Variants in SEPTIN4 observed in about 807,000 individuals in gnomAD.
SEPTIN4 encodes the protein septin 4.
Under a neutral mutation model 107.1 loss-of-function variants are expected in SEPTIN4, and 52 were observed. The ratio of observed to expected loss-of-function variants is 0.49; its 90% CI spans 0.39 to 0.61. SEPTIN4 has a LOEUF of 0.61. SEPTIN4 is among the 20% of genes least tolerant of loss of function. SEPTIN4 has a pLI of 0.00. For missense variants in SEPTIN4, 1,048 were observed against 1,243.5 expected, an observed-to-expected ratio of 0.84 and a Z score of 2.36; for synonymous variants, 417 against 467.0, an observed-to-expected ratio of 0.89 and a Z score of 1.38.
rs1288663797 is a variant in SEPTIN4, at chr17:58,521,654, A to C, written c.2470-8T>G. The C allele has an allele frequency of 6.2e-7, 1 of 1,613,956 alleles. No individual in the cohort carries two copies. Among genetic ancestry groups the C allele is most frequent in the Non-Finnish European group, 8.5e-7 (1 of 1,179,938 alleles). ...CTCAATCTCCTCCCGGATCTGACAA[A>C]CAGATGAGGGGCCCACAGTTCTGGG... On this transcript the variant is annotated splice_polypyrimidine_tract_variant and splice_region_variant and intron_variant, in intron 9 of 13. Transcript: ENST00000672673. This position sits in a 1 kb window ranked among gnomAD's most constrained non-coding sequence, Gnocchi z 6.4.
At chr17:58,524,055 A>C (rs1185092930) in intron 7 of SEPTIN4, among the ~76,000 whole-genome samples, 1 of 152,206 alleles carries the variant, frequency 6.6e-6, no homozygotes, top group Non-Finnish European at 1.5e-5. Flanking sequence ...CAAGATCATG[A>C]AGTTACTAAA....
chr17:58,538,402 C>T lies in SEPTIN4; in HGVS notation c.1614+2264G>A, dbSNP rs2043787520. On this transcript the variant is annotated intron_variant, in intron 3 of 13. Coordinates refer to ENST00000672673, the MANE Select transcript of SEPTIN4 (RefSeq NM_001368771.2). The surrounding 1 kb of genome is among the most constrained non-coding windows in gnomAD (Gnocchi z 4.7). ...ATAATTGATAGAGCAGAGAGTAAACCACCTTGCCCTATGACAGCCTGAGAA... is the reference window on the plus strand; with the variant it reads ...ATAATTGATAGAGCAGAGAGTAAACTACCTTGCCCTATGACAGCCTGAGAA... Among the ~76,000 whole-genome samples, 1 of 152,172 alleles carries T rather than the reference C, an allele frequency of 6.6e-6. No homozygotes were observed. The highest frequency in any genetic ancestry group is 1.5e-5 in the Non-Finnish European group (1 of 68,040).
In SEPTIN4 at chr17:58,522,030, C is replaced by T. The variant is rs764756465; in HGVS notation, c.2288G>A (p.Arg763Gln). The change falls in exon 8 of 14, where the codon CGA (arginine) becomes CAA (glutamine). Residue 763 changes from arginine to glutamine, a missense_variant. This residue lies in a region of SEPTIN4 where 261 missense variants were observed against 371.7 expected (regional missense o/e 0.70). Coordinates refer to ENST00000672673, the MANE Select transcript of SEPTIN4 (RefSeq NM_001368771.2). Reference protein sequence around the residue: ...QYFRDESGLNRKNIQDNRVHC... With the variant: ...QYFRDESGLNQKNIQDNRVHC... ...CACCCTGTTGTCTTGGATGTTCTTT[C>T]GGTTCAGGCCACTCTCGTCTCGGAA... The T allele has an allele frequency of 6.2e-7, 1 of 1,614,174 alleles. No homozygotes were observed.
At chr17:58,537,828 T>TAAA (rs2043766842) in intron 3 of SEPTIN4, among the ~76,000 whole-genome samples, 1 of 70,742 alleles carries the variant, frequency 1.4e-5, no homozygotes. Context: ...AGACTCTGTC[T>TAAA]CAAAAAAAAA....
chr17:58,532,074 C>A, intron 3 of SEPTIN4: 2 of 1,097,318 alleles, frequency 1.8e-6, no homozygotes, highest in Non-Finnish European at 2.2e-6. Flanking sequence ...TCCCCGAGTG[C>A]GGACCGCTGC....
intron 4 of SEPTIN4, 107 bp from the exon 5 acceptor site, chr17:58,526,420 G>T (rs1310390755): frequency 6.5e-6 from 9 of 1,376,312 alleles, no homozygotes; most frequent in Non-Finnish European, 8.5e-6. Flanking sequence ...CCTTAAAAAA[G>T]CAGTGCCAGA....
intron 4 of SEPTIN4, 152 bp downstream of exon 4, chr17:58,526,530 G>A: frequency 7.1e-7 from 1 of 1,404,230 alleles, no homozygotes; most frequent in Non-Finnish European, 9.2e-7. Context: ...TGGAGCTAGG[G>A]CTGACACAGG....
chr17:58,528,938 G>C (rs984997281), intron 3 of SEPTIN4, among the ~76,000 whole-genome samples: 2 of 152,166 alleles, frequency 1.3e-5, no homozygotes, highest in Non-Finnish European at 2.9e-5. Flanking sequence ...CCGCATGGAG[G>C]GGGCCACAGG....
At chr17:58,532,012 C>CCCGCGGCGGAGCT in intron 3 of SEPTIN4, 3 of 1,136,534 alleles carry the variant, frequency 2.6e-6, no homozygotes, top group African/African-American at 3.3e-5. Context: ...GCCCGAGCGA[C>CCCGCGGCGGAGCT]CCGCGGCGGA....
intron 3 of SEPTIN4, chr17:58,531,862 G>C: frequency 9.4e-7 from 1 of 1,063,990 alleles, no homozygotes; most frequent in African/African-American, 1.7e-5. Context: ...GCACAGCCGC[G>C]GCTGCGGTGC....
chr17:58,533,713 C>A (rs540425217), intron 3 of SEPTIN4, among the ~76,000 whole-genome samples: 1 of 152,260 alleles, frequency 6.6e-6, no homozygotes, highest in East Asian at 1.9e-4. Flanking sequence ...AAGAGAGAAA[C>A]CAATGGCAGT....
intron 3 of SEPTIN4, among the ~76,000 whole-genome samples, chr17:58,536,049 T>C (rs766660676): frequency 2.0e-5 from 3 of 152,204 alleles, no homozygotes; most frequent in Non-Finnish European, 2.9e-5. Context: ...TCACAATTCT[T>C]GATATCTAAA....
chr17:58,527,205 C>T, intron 3 of SEPTIN4: 1 of 827,694 alleles, frequency 1.2e-6, no homozygotes, highest in Non-Finnish European at 2.1e-6. Context: ...TCCCAGGGTC[C>T]AGGAAGAGCC....
rs2042316239 is a variant in SEPTIN4 at position 58,521,900 on chromosome 17, C to G, written c.2352-47G>C. The G allele has an allele frequency of 6.2e-7, 1 of 1,614,244 alleles. No individual in the cohort carries two copies. Among genetic ancestry groups the G allele is most frequent in the Non-Finnish European group, 8.5e-7 (1 of 1,180,040 alleles). On this transcript the variant is annotated intron_variant, in intron 8 of 13. Coordinates refer to ENST00000672673, the MANE Select transcript of SEPTIN4 (RefSeq NM_001368771.2). This position sits in a 1 kb window ranked among gnomAD's most constrained non-coding sequence, Gnocchi z 6.4. ...CCACCTGCTAGTGGCAGCCCTGCCC[C>G]TGGTGCTCTTGGCCTGTTCCCTTGA...
chr17:58,526,725 G>A lies in SEPTIN4; in HGVS notation c.1868C>T (p.Pro623Leu), dbSNP rs1352437832. 1 of 1,608,020 alleles carries A rather than the reference G, an allele frequency of 6.2e-7. No individual in the cohort carries two copies. The highest frequency in any genetic ancestry group is 1.3e-5 in the African/African-American group (1 of 74,552). ...ATCAAGCTTGCCCCATGGGCTGCGG[G>A]GCCTGGCAGATGGGCTGAGAGGGGC... ...APAPLSPSARPRSPWGKLDPY... is the reference protein window; with the variant it reads ...APAPLSPSARLRSPWGKLDPY... The change falls in exon 4 of 14, where the codon CCC (proline) becomes CTC (leucine). Residue 623 changes from proline (P) to leucine (L), a missense_variant. By Grantham distance (98) the Pro-to-Leu change is moderately conservative (BLOSUM62 -3). Coordinates refer to ENST00000672673, the MANE Select transcript of SEPTIN4 (RefSeq NM_001368771.2).
intron 3 of SEPTIN4, among the ~76,000 whole-genome samples, chr17:58,529,625 C>G (rs1003850172): frequency 6.6e-6 from 1 of 152,172 alleles, no homozygotes; most frequent in South Asian, 2.1e-4. Context: ...CCCCAAGTGA[C>G]CTGGCCCATC....
Position 58,521,373 on chromosome 17 carries a change from G to A in SEPTIN4, c.2572-23C>T. 6.2e-7 allele frequency: 1 copy of A among 1,600,912 alleles called. No homozygotes were observed. The highest frequency in any genetic ancestry group is 1.7e-5 in the Admixed American group (1 of 60,014). Reference sequence around the variant, plus strand: ...TTCCTGGAAGAGGTTAGGGGTGCCTGTCAGCACCCTCTGTTCTCACCTCTT... The same window carrying A: ...TTCCTGGAAGAGGTTAGGGGTGCCTATCAGCACCCTCTGTTCTCACCTCTT... On this transcript the variant is annotated intron_variant, in intron 10 of 13. Coordinates refer to ENST00000672673, the MANE Select transcript of SEPTIN4 (RefSeq NM_001368771.2). The surrounding 1 kb of genome is among the most constrained non-coding windows in gnomAD (Gnocchi z 6.4).
rs149830139 is a variant in SEPTIN4 at position 58,521,553 on chromosome 17, C to G, written c.2563G>C (p.Ala855Pro). The G allele has an allele frequency of 3.1e-6, 5 of 1,614,090 alleles. No individual in the cohort carries two copies. The South Asian group carries it at 3.3e-5, about 11-fold the overall frequency. ...CCCTAGAGTGGCCCCACCTTTAGGG[C>G]TTGGTCCTGCAATTTGAAGTCCTCA... ...EDEDFKLQDQ[A>P]LKESIPFAVI... The change falls in exon 10 of 14, where the codon GCC (alanine) becomes CCC (proline). Residue 855 changes from alanine to proline, a missense_variant. Ala to Pro is a conservative substitution (Grantham distance 27, BLOSUM62 -1). This residue lies in a region of SEPTIN4 where 261 missense variants were observed against 371.7 expected (regional missense o/e 0.70). Transcript: ENST00000672673. The surrounding 1 kb of genome is among the most constrained non-coding windows in gnomAD (Gnocchi z 6.4).
intron 3 of SEPTIN4, among the ~76,000 whole-genome samples, chr17:58,528,856 C>A (rs893019460): frequency 2.0e-5 from 3 of 152,124 alleles, no homozygotes; most frequent in East Asian, 1.9e-4. Context: ...AGATCCCTAG[C>A]CCCCATGATC....
Sources: gnomAD v4.1 joint callset for allele counts (sites outside exome capture counted in the v4.1 genomes callset) on GRCh38, gnomAD v4.1.1 for gene constraint, gnomAD v4.1.1 regional missense constraint, Gnocchi (gnomAD v3.1) non-coding constraint, MANE v1.5 for transcripts, NCBI Gene and HGNC (gene_info 2026-07-23, HGNC 2026-07-21) for gene names.